HACL1: variants seen among roughly 807,000 people sequenced by gnomAD.
HACL1 encodes 1600020H07Rik.
In HACL1, 64 loss-of-function variants were observed where a neutral mutation model predicts 74.2. The observed-to-expected ratio is 0.86, with a 90% confidence interval of 0.70 to 1.06. The LOEUF is 1.06. HACL1 is among the 50% of genes least tolerant of loss of function. The pLI is 0.00. For missense variants in HACL1, 728 were observed against 719.7 expected (o/e 1.01, Z -0.13); for synonymous variants, 230 against 238.8 (o/e 0.96, Z 0.34).
At position 15,573,023 on chromosome 3, in the gene HACL1, A is replaced by G. The variant is rs2063562859; in HGVS notation, c.993+136T>C. ...AAGTTCCAAAGTTGTATTTAAGAAT[A>G]GTTTTCAATCATACATTTTGTTTAA... On this transcript the variant is annotated intron_variant, in intron 11 of 16. Coordinates refer to ENST00000321169, the MANE Select transcript of HACL1 (RefSeq NM_012260.4). 9 of 571,298 alleles carry G rather than the reference A, an allele frequency of 1.6e-5. No individual in the cohort carries two copies. The South Asian group carries it at 2.1e-4, about 14-fold the overall frequency. The allele number at this position is 571,298 out of a possible 1,614,324, so 35.4% of individuals were successfully genotyped here. A position where few individuals can be genotyped will look rare whatever the true frequency, so the allele number is the denominator to read the frequency against.
chr3:15,593,729 A>C (rs895864712), intron 3 of HACL1, among the ~76,000 whole-genome samples: 4 of 149,492 alleles, frequency 2.7e-5, no homozygotes, highest in African/African-American at 9.8e-5. Flanking sequence ...ACGTCGACTG[A>C]TCTTTGATAG....
intron 7 of HACL1, among the ~76,000 whole-genome samples, chr3:15,584,553 A>T (rs980891758): frequency 2.0e-5 from 3 of 152,082 alleles, no homozygotes; most frequent in Admixed American, 2.0e-4. Flanking sequence ...GTGCCACTGC[A>T]CTCCAGCCCG....
At chr3:15,572,802 C>G (rs2063559038) in intron 11 of HACL1, among the ~76,000 whole-genome samples, 1 of 152,196 alleles carries the variant, frequency 6.6e-6, no homozygotes, top group Non-Finnish European at 1.5e-5. Context: ...CAGTGCTAAG[C>G]CATTCTTGCC....
At chr3:15,592,299 CG>C (rs1230522446) in intron 3 of HACL1, among the ~76,000 whole-genome samples, 1 of 129,354 alleles carries the variant, frequency 7.7e-6, no homozygotes, top group African/African-American at 3.7e-5. Flanking sequence ...TGTATACATA[CG>C]TATATATATG....
intron 2 of HACL1, among the ~76,000 whole-genome samples, chr3:15,597,897 G>A (rs1025021839): frequency 6.6e-6 from 1 of 152,114 alleles, no homozygotes; most frequent in Non-Finnish European, 1.5e-5. Flanking sequence ...TGATAGCTAG[G>A]TAAGAAATGT....
At chr3:15,587,091 T>C (rs1361096772) in intron 5 of HACL1, among the ~76,000 whole-genome samples, 1 of 152,196 alleles carries the variant, frequency 6.6e-6, no homozygotes, top group Non-Finnish European at 1.5e-5. Flanking sequence ...ATGAATTCAG[T>C]AGTGATAATT....
At position 15,575,664 on chromosome 3, in the gene HACL1, C is replaced by T. The variant is rs568323751; in HGVS notation, c.804-582G>A. Among the ~76,000 whole-genome samples, 17 of 152,268 alleles carry T rather than the reference C, an allele frequency of 1.1e-4. No individual in the cohort carries two copies. The East Asian group carries it at 3.3e-3, about 29-fold the overall frequency. ...TTAAGCAACCCTCCTACCTCAGCCT[C>T]CTGAGCAGTTGGGACTACAGGCACG... On this transcript the variant is annotated intron_variant, in intron 9 of 16. Transcript: ENST00000321169.
chr3:15,561,088 A>G (rs1176146627), intron 16 of HACL1, among the ~76,000 whole-genome samples, 191 bp from the exon 17 acceptor site: 2 of 152,218 alleles, frequency 1.3e-5, no homozygotes, highest in African/African-American at 2.4e-5. Context: ...GTGTCCTATA[A>G]AACAACCTAA....
At chr3:15,576,337 C>G (rs1047406895) in intron 9 of HACL1, among the ~76,000 whole-genome samples, 22 of 151,798 alleles carry the variant, frequency 1.4e-4, no homozygotes, top group African/African-American at 5.3e-4. Flanking sequence ...TTAATGCACT[C>G]TTCACATTGG....
intron 12 of HACL1, 94 bp from the exon 13 acceptor site, chr3:15,568,680 G>T (rs1042455512): frequency 2.7e-6 from 2 of 745,812 alleles, no homozygotes; most frequent in Non-Finnish European, 2.2e-6. Flanking sequence ...TTGGAAATAC[G>T]CAACAACTAC....
chr3:15,601,417 C>G lies in HACL1; in HGVS notation c.47G>C (p.Gly16Ala), dbSNP rs1198293253. ...CAGGGCCTGAGCGATGACTTTAGCACCAGACACCTGCTCCTCGCTGCGCTC... is the reference window on the plus strand; with the variant it reads ...CAGGGCCTGAGCGATGACTTTAGCAGCAGACACCTGCTCCTCGCTGCGCTC... Reference protein sequence around the residue: ...FAERSEEQVSGAKVIAQALKT... With the variant: ...FAERSEEQVSAAKVIAQALKT... Residue 16 changes from glycine (G) to alanine (A), a missense_variant, in exon 1 of 17, where the codon GGT (glycine) becomes GCT (alanine). By Grantham distance (60) the Gly-to-Ala change is moderately conservative. Transcript: ENST00000321169. 1.2e-6 allele frequency: 2 copies of G among 1,613,936 alleles called. No homozygotes were observed. The highest frequency in any genetic ancestry group is 1.7e-6 in the Non-Finnish European group (2 of 1,180,056).
chr3:15,563,296 T>G, intron 16 of HACL1, 62 bp downstream of exon 16: 1 of 1,127,032 alleles, frequency 8.9e-7, no homozygotes, highest in Non-Finnish European at 1.3e-6. Context: ...GGTAGATACT[T>G]TTTGGAGGGG....
intron 5 of HACL1, among the ~76,000 whole-genome samples, chr3:15,586,999 G>T (rs1292146626): frequency 6.6e-6 from 1 of 152,128 alleles, no homozygotes; most frequent in Non-Finnish European, 1.5e-5. Flanking sequence ...TCATCTGTTA[G>T]ATTTTGTTAT....
At chr3:15,562,083 T>C (rs778752041) in intron 16 of HACL1, among the ~76,000 whole-genome samples, 1 of 152,200 alleles carries the variant, frequency 6.6e-6, no homozygotes, top group Admixed American at 6.5e-5. Flanking sequence ...TCCCAGTCAC[T>C]GGAAAGTATA....
In HACL1 at chr3:15,568,555, T is replaced by A; in HGVS notation, c.1127A>T (p.Asn376Ile). Residue 376 changes from asparagine (N) to isoleucine (I), a missense_variant, in exon 13 of 17, where the codon AAT becomes ATT. Asn to Ile is a moderately radical substitution (Grantham distance 149). Transcript: ENST00000321169. ...AACATGGTAGAATACTGTGTAATAATTCATAGGCAGGGATTTTTTAGAAGC... is the reference window on the plus strand; with the variant it reads ...AACATGGTAGAATACTGTGTAATAAATCATAGGCAGGGATTTTTTAGAAGC... ...ELASKKSLPM[N>I]YYTVFYHVQE... The A allele has an allele frequency of 2.5e-6, 4 of 1,571,112 alleles. No individual in the cohort carries two copies. Among genetic ancestry groups the A allele is most frequent in the Non-Finnish European group, 3.5e-6 (4 of 1,150,196 alleles).
At position 15,573,220 on chromosome 3, in the gene HACL1, A is replaced by G; in HGVS notation, c.932T>C (p.Leu311Ser). Residue 311 changes from leucine (L) to serine (S), a missense_variant, in exon 11 of 17, where the codon TTG (leucine) becomes TCG (serine). Transcript: ENST00000321169. ...FIQVDICAEE[L>S]GNNVKPAVTL... is the part of the protein sequence containing the mutation. ...AACAGCGGGCTTTACATTATTCCCC[A>G]ATTCTTCTGCACAGATATCAACCTA... 1.2e-6 allele frequency: 2 copies of G among 1,607,108 alleles called. No homozygotes were observed. The highest frequency in any genetic ancestry group is 1.7e-6 in the Non-Finnish European group (2 of 1,173,774).
intron 14 of HACL1, 126 bp downstream of exon 14, chr3:15,567,718 A>C (rs1339290991): frequency 1.2e-6 from 1 of 832,926 alleles, no homozygotes; most frequent in African/African-American, 1.7e-5. Context: ...TCCTCAGGAC[A>C]GAACACAGTG....
At chr3:15,587,951 T>G (rs774543688) in intron 5 of HACL1, among the ~76,000 whole-genome samples, 2 of 152,180 alleles carry the variant, frequency 1.3e-5, no homozygotes, top group African/African-American at 2.4e-5. Context: ...TGGAGTACAG[T>G]GGTACGATCT....
rs369379370 is a variant in HACL1 at position 15,567,888 on chromosome 3, G to A, written c.1365C>T (p.Asp455=). 105 of 1,613,952 alleles carry A rather than the reference G, an allele frequency of 6.5e-5. No individual in the cohort carries two copies. Among genetic ancestry groups the A allele is most frequent in the Non-Finnish European group, 8.8e-5 (104 of 1,179,916 alleles). Residue 455 remains aspartate (D), a synonymous_variant, in exon 14 of 17, where the codon GAC becomes GAT. Transcript: ENST00000321169. ...PGQWIICVEG[D]SAFGFSGMEV... Reference sequence around the variant, plus strand: ...CCATGCCAGAAAACCCAAATGCACTGTCTCCTTCCACACAGATGATCCATT... The same window carrying A: ...CCATGCCAGAAAACCCAAATGCACTATCTCCTTCCACACAGATGATCCATT...
Sources: gnomAD v4.1 joint callset for allele counts (sites outside exome capture counted in the v4.1 genomes callset) on GRCh38, gnomAD v4.1.1 for gene constraint, MANE v1.5 for transcripts, NCBI Gene and HGNC (gene_info 2026-07-23, HGNC 2026-07-21) for gene names.